GABRA1: variants seen among roughly 807,000 people sequenced by gnomAD.
The protein encoded by GABRA1 is gamma-aminobutyric acid receptor subunit alpha-1.
In GABRA1, 9 loss-of-function variants were observed where a neutral mutation model predicts 48.9. That is an observed-to-expected ratio of 0.18 (90% confidence interval 0.11 to 0.32). The LOEUF is 0.32. GABRA1 is among the 10% of genes least tolerant of loss of function. GABRA1 has a pLI of 1.00. For missense variants in GABRA1, 285 were observed against 553.8 expected (o/e 0.51, Z 4.87); for synonymous variants, 210 against 198.7 (o/e 1.06, Z -0.48).
intron 3 of GABRA1, among the ~76,000 whole-genome samples, chr5:161,857,584 A>G (rs1757699897): frequency 6.6e-6 from 1 of 151,654 alleles, no homozygotes; most frequent in Non-Finnish European, 1.5e-5. Flanking sequence ...ATAAAGAGGT[A>G]TCTCCAGGAA....
intron 9 of GABRA1, among the ~76,000 whole-genome samples, chr5:161,896,632 A>G (rs1755381146): frequency 6.6e-6 from 1 of 152,234 alleles, no homozygotes; most frequent in Non-Finnish European, 1.5e-5. Context: ...ATGTTTAGAA[A>G]TAATCTAGAA....
chr5:161,851,662 G>A (rs1045651677), intron 2 of GABRA1, among the ~76,000 whole-genome samples: 5 of 152,066 alleles, frequency 3.3e-5, no homozygotes, highest in Non-Finnish European at 7.4e-5. Context: ...TATTCAAAAT[G>A]TAATGGCAAG....
intron 4 of GABRA1, among the ~76,000 whole-genome samples, chr5:161,868,704 T>C (rs1005651705): frequency 6.6e-6 from 1 of 152,140 alleles, no homozygotes; most frequent in Non-Finnish European, 1.5e-5. Flanking sequence ...TAAAGGACAA[T>C]GCCCAAATGA....
At chr5:161,882,793 G>A in intron 7 of GABRA1, 92 bp downstream of exon 7, 4 of 1,273,636 alleles carry the variant, frequency 3.1e-6, no homozygotes, top group South Asian at 2.5e-5. Context: ...ACAAGTCTAG[G>A]AGAGAGAACA....
chr5:161,866,577 A>G (rs1753863571), intron 4 of GABRA1, among the ~76,000 whole-genome samples: 1 of 152,154 alleles, frequency 6.6e-6, no homozygotes, highest in African/African-American at 2.4e-5. Flanking sequence ...CTGTAAAAGT[A>G]TTTTGATTTC....
In GABRA1 at chr5:161,867,360, T is replaced by C. The variant is rs193111601; in HGVS notation, c.255+1572T>C. 1.3e-3 allele frequency among the ~76,000 whole-genome samples: 194 copies of C among 152,238 alleles called. 1 individual carries two copies. The highest frequency in any genetic ancestry group is 4.3e-3 in the African/African-American group (179 of 41,560). On this transcript the variant is annotated intron_variant, in intron 4 of 9. Coordinates refer to ENST00000393943, the MANE Select transcript of GABRA1 (RefSeq NM_001127644.2). ...ATTCCCATAAATGATTTTGCCACTC[T>C]CTGTCACTTGTTCCCAATATTAACT...
At chr5:161,874,095 C>A (rs1467968919) in intron 5 of GABRA1, among the ~76,000 whole-genome samples, 1 of 151,562 alleles carries the variant, frequency 6.6e-6, no homozygotes, top group African/African-American at 2.4e-5. Context: ...TTGTTAGATA[C>A]GAGTTTTTTA....
chr5:161,866,835 T>G (rs1474879258), intron 4 of GABRA1, among the ~76,000 whole-genome samples: 1 of 152,082 alleles, frequency 6.6e-6, no homozygotes, highest in East Asian at 1.9e-4. Context: ...TTAAGACAAG[T>G]TTTGAAATAT....
chr5:161,890,751 G>T, intron 7 of GABRA1, 147 bp from the exon 8 acceptor site: 1 of 716,140 alleles, frequency 1.4e-6, no homozygotes. Context: ...TTATTTTCTG[G>T]ATAAAAACTT....
In GABRA1 at chr5:161,895,695, T is replaced by C. The variant is rs149677108; in HGVS notation, c.886T>C (p.Leu296=). 5.1e-5 allele frequency: 82 copies of C among 1,613,910 alleles called. No individual in the cohort carries two copies. Among genetic ancestry groups the C allele is most frequent in the Admixed American group, 3.5e-4 (21 of 59,998 alleles). ...GVTTVLTMTT[L]SISARNSLPK... The stretch of plus-strand genomic sequence containing the variant: ...AACAACTGTGCTCACCATGACAACA[T>C]TGAGCATCAGTGCCAGAAACTCCCT... Residue 296 remains leucine, a synonymous_variant, in exon 9 of 10, where the codon TTG becomes CTG. Coordinates refer to ENST00000393943, the MANE Select transcript of GABRA1 (RefSeq NM_001127644.2).
Position 161,897,669 on chromosome 5 carries a change from T to G in GABRA1, c.*247T>G, listed in dbSNP as rs1387215077. On this transcript the variant is annotated 3_prime_UTR_variant, in exon 10 of 10. Transcript: ENST00000393943. ...AAAGTCATGTCAGAAGGAGACAGAA[T>G]GAGAGAGAAAAGAGGGGGAAGATGG... 2.1e-6 allele frequency: 1 copy of G among 474,578 alleles called. No individual in the cohort carries two copies. Among genetic ancestry groups the G allele is most frequent in the Non-Finnish European group, 3.7e-6 (1 of 269,066 alleles). The allele number at this position is 474,578 out of a possible 1,614,324, so 29.4% of individuals were successfully genotyped here. A position where few individuals can be genotyped will look rare whatever the true frequency, so the allele number is the denominator to read the frequency against.
chr5:161,885,863 T>A (rs1384434089), intron 7 of GABRA1, among the ~76,000 whole-genome samples: 2 of 152,170 alleles, frequency 1.3e-5, no homozygotes, highest in Non-Finnish European at 2.9e-5. Flanking sequence ...CATTCATTTA[T>A]CCACGTAATC....
intron 7 of GABRA1, among the ~76,000 whole-genome samples, chr5:161,888,893 G>A (rs1019199377): frequency 6.6e-6 from 1 of 151,914 alleles, no homozygotes; most frequent in Non-Finnish European, 1.5e-5. Flanking sequence ...TTGAGTGACC[G>A]TGAGCCTCAG....
Position 161,865,440 on chromosome 5 carries a change from T to C in GABRA1, c.188-281T>C, listed in dbSNP as rs554553842. On this transcript the variant is annotated intron_variant, in intron 3 of 9. Coordinates refer to ENST00000393943, the MANE Select transcript of GABRA1 (RefSeq NM_001127644.2). ...CAATGTGAAGCAGTTTAGTATCATT[T>C]AGGCAAGTATGTCCACTCTTGAAGA... is the stretch of plus-strand genomic sequence containing the variant. 3.3e-4 allele frequency among the ~76,000 whole-genome samples: 51 copies of C among 152,244 alleles called. No homozygotes were observed. In the South Asian group the frequency reaches 7.1e-3, roughly 21 times the overall value.
intron 4 of GABRA1, 50 bp downstream of exon 4, chr5:161,865,838 A>C: frequency 6.6e-7 from 1 of 1,509,446 alleles, no homozygotes; most frequent in Non-Finnish European, 9.2e-7. Context: ...TTAAAATTTA[A>C]CTTTTCAAAG....
At chr5:161,882,855 A>G (rs561262713) in intron 7 of GABRA1, among the ~76,000 whole-genome samples, 154 bp downstream of exon 7, 1 of 152,272 alleles carries the variant, frequency 6.6e-6, no homozygotes, top group African/African-American at 2.4e-5. Context: ...AACTCGGTAG[A>G]CCTGTGACCT....
intron 7 of GABRA1, 98 bp from the exon 8 acceptor site, chr5:161,890,800 T>A (rs1457560484): frequency 9.4e-7 from 1 of 1,065,638 alleles, no homozygotes; most frequent in South Asian, 1.3e-5. Flanking sequence ...AGAAAGGATG[T>A]GTCTAATTCC....
At chr5:161,887,578 TA>T (rs2113434078) in intron 7 of GABRA1, among the ~76,000 whole-genome samples, 1 of 152,234 alleles carries the variant, frequency 6.6e-6, no homozygotes, top group African/African-American at 2.4e-5. Flanking sequence ...CTGAAGCAAT[TA>T]AAAAACATAA....
chr5:161,881,587 C>T (rs747266671), intron 6 of GABRA1: 1 of 152,092 alleles, frequency 6.6e-6, no homozygotes, highest in African/African-American at 2.4e-5. Flanking sequence ...CTCAGACTTG[C>T]TAATGGACAT....
Sources: allele counts gnomAD v4.1 joint callset (sites outside exome capture counted in the v4.1 genomes callset), GRCh38; gene constraint gnomAD v4.1.1; transcripts MANE v1.5; gene names NCBI Gene and HGNC (gene_info 2026-07-23, HGNC 2026-07-21).